The following SENP1 variants were observed in gnomAD, a reference collection of about 807,000 sequenced individuals.
SENP1 encodes sentrin-specific protease 1.
Under a neutral mutation model 93.0 loss-of-function variants are expected in SENP1, and 21 were observed. The ratio of observed to expected loss-of-function variants is 0.23; its 90% confidence interval spans 0.16 to 0.33. The LOEUF is 0.33. Among genes scored for constraint, SENP1 ranks in the 10% least tolerant of loss-of-function variants. The pLI, the probability that SENP1 is intolerant of heterozygous loss-of-function variation, is 1.00. For synonymous variants in SENP1, 256 were observed against 259.6 expected, an observed-to-expected ratio of 0.99 and a Z score of 0.13; for missense variants, 591 against 758.7, an observed-to-expected ratio of 0.78 and a Z score of 2.60.
At chr12:48,079,075 A>G (rs1472711754) in intron 6 of SENP1, among the ~76,000 whole-genome samples, 1 of 152,182 alleles carries the variant, frequency 6.6e-6, no homozygotes, top group Non-Finnish European at 1.5e-5. Flanking sequence ...CACTTGAGCC[A>G]GGAAGTTGAG....
intron 1 of SENP1, among the ~76,000 whole-genome samples, chr12:48,102,488 C>T (rs1946018214): frequency 7.0e-6 from 1 of 143,414 alleles, no homozygotes; most frequent in Non-Finnish European, 1.5e-5. Context: ...CTGCTTGGAA[C>T]TAGGTTAATA....
chr12:48,071,321 G>T (rs1943676877), intron 9 of SENP1, among the ~76,000 whole-genome samples: 1 of 152,036 alleles, frequency 6.6e-6, no homozygotes, highest in Admixed American at 6.6e-5. Flanking sequence ...AATATGTTAA[G>T]AAGAAACTTT....
At chr12:48,088,311 T>G (rs1945015377) in intron 5 of SENP1, among the ~76,000 whole-genome samples, 1 of 152,200 alleles carries the variant, frequency 6.6e-6, no homozygotes, top group South Asian at 2.1e-4. Flanking sequence ...TGCTTCAGCC[T>G]CCCAAATTGC....
intron 3 of SENP1, among the ~76,000 whole-genome samples, chr12:48,097,025 A>C (rs1214781250): frequency 7.2e-5 from 11 of 152,134 alleles, no homozygotes; most frequent in Admixed American, 7.2e-4. Flanking sequence ...ACTACATACT[A>C]ACAAGAAAGG....
chr12:48,094,537 G>A (rs906351980), intron 4 of SENP1, among the ~76,000 whole-genome samples: 7 of 151,752 alleles, frequency 4.6e-5, no homozygotes, highest in Admixed American at 6.6e-5. Flanking sequence ...AAAATTAGCC[G>A]GGCATGGTGG....
At chr12:48,063,025 C>T (rs942476367) in intron 13 of SENP1, among the ~76,000 whole-genome samples, 1 of 152,136 alleles carries the variant, frequency 6.6e-6, no homozygotes, top group African/African-American at 2.4e-5. Flanking sequence ...AGATACCCAA[C>T]CCAGTTTTCT....
At chr12:48,096,511 A>G (rs1394519248) in intron 3 of SENP1, 84 bp from the exon 4 acceptor site, 1 of 794,822 alleles carries the variant, frequency 1.3e-6, no homozygotes, top group African/African-American at 1.7e-5. Flanking sequence ...GCTGGAGTAC[A>G]CCGGCACAAT....
rs545219533 is a variant in SENP1 at position 48,078,251 on chromosome 12, G to A, written c.553-3458C>T. 1.8e-3 allele frequency among the ~76,000 whole-genome samples: 265 copies of A among 146,524 alleles called. 2 individuals are homozygous for A. The highest frequency in any genetic ancestry group is 6.4e-3 in the African/African-American group (257 of 40,132). ...ATAGAAATACTACTAATTTCTGTGTGTTGATTTTGTATCCTACAACTATAC... is the reference window on the plus strand; with the variant it reads ...ATAGAAATACTACTAATTTCTGTGTATTGATTTTGTATCCTACAACTATAC... On this transcript the variant is annotated intron_variant, in intron 6 of 17. Coordinates refer to ENST00000549518, the MANE Select transcript of SENP1 (RefSeq NM_001267594.2).
At chr12:48,056,450 A>AG (rs1942371721) in intron 13 of SENP1, among the ~76,000 whole-genome samples, 2 of 109,430 alleles carry the variant, frequency 1.8e-5, no homozygotes, top group Non-Finnish European at 3.3e-5. Flanking sequence ...TATTTAATAT[A>AG]TTACATATTA....
chr12:48,053,698 A>T (rs1941994093), intron 13 of SENP1, among the ~76,000 whole-genome samples: 1 of 152,188 alleles, frequency 6.6e-6, no homozygotes, highest in Admixed American at 6.6e-5. Flanking sequence ...GATGAAGCTT[A>T]CCAAGTAGGT....
At chr12:48,068,076 G>A (rs1047562560) in intron 9 of SENP1, among the ~76,000 whole-genome samples, 1 of 152,086 alleles carries the variant, frequency 6.6e-6, no homozygotes, top group African/African-American at 2.4e-5. Flanking sequence ...GTTTCACCAT[G>A]TTGGCCAGGC....
intron 6 of SENP1, among the ~76,000 whole-genome samples, chr12:48,075,657 A>G (rs1165959427): frequency 6.6e-6 from 1 of 152,218 alleles, no homozygotes; most frequent in African/African-American, 2.4e-5. Context: ...TCATTCATTG[A>G]CATGAACACC....
chr12:48,098,230 T>G (rs1258678852), intron 2 of SENP1, 106 bp from the exon 3 acceptor site: 8 of 1,145,808 alleles, frequency 7.0e-6, no homozygotes, highest in South Asian at 1.6e-5. Flanking sequence ...CCAGGCATGG[T>G]GTCTCATGCC....
chr12:48,092,168 T>C lies in SENP1; in HGVS notation c.221-3208A>G, dbSNP rs958819251. Among the ~76,000 whole-genome samples the C allele has an allele frequency of 5.3e-5, 8 of 152,116 alleles. No individual in the cohort carries two copies. The South Asian group carries it at 1.7e-3, about 32-fold the overall frequency. ...AAAGTTTGGGCCTTGCTGCTCATTT[T>C]CATCCTGGTGAAGGAGGGGACAGCA... is the stretch of plus-strand genomic sequence containing the variant. On this transcript the variant is annotated intron_variant, in intron 4 of 17. Coordinates refer to ENST00000549518, the MANE Select transcript of SENP1 (RefSeq NM_001267594.2).
chr12:48,082,718 T>C (rs1944571282), intron 6 of SENP1, among the ~76,000 whole-genome samples: 1 of 152,232 alleles, frequency 6.6e-6, no homozygotes, highest in Non-Finnish European at 1.5e-5. Context: ...GCTTTTTCTT[T>C]TAGGTTTACT....
At chr12:48,078,581 C>T (rs1407900600) in intron 6 of SENP1, among the ~76,000 whole-genome samples, 1 of 150,874 alleles carries the variant, frequency 6.6e-6, no homozygotes, top group Admixed American at 6.6e-5. Context: ...AGTGCAGTGG[C>T]GCGATCTTGG....
chr12:48,046,965 A>G lies in SENP1; in HGVS notation c.1776+13T>C. Reference sequence around the variant, plus strand: ...TACTTTTAGGACTTTTATTTCATCAAGATGAAAGGTACCTGGCTTTTCTTG... The same window carrying G: ...TACTTTTAGGACTTTTATTTCATCAGGATGAAAGGTACCTGGCTTTTCTTG... On this transcript the variant is annotated intron_variant, in intron 16 of 17. Coordinates refer to ENST00000549518, the MANE Select transcript of SENP1 (RefSeq NM_001267594.2). The G allele has an allele frequency of 4.5e-6, 7 of 1,569,204 alleles. No homozygotes were observed. The highest frequency in any genetic ancestry group is 6.1e-6 in the Non-Finnish European group (7 of 1,141,364).
At chr12:48,104,663 G>A (rs1407686732) in intron 1 of SENP1, among the ~76,000 whole-genome samples, 1 of 152,110 alleles carries the variant, frequency 6.6e-6, no homozygotes, top group Non-Finnish European at 1.5e-5. Flanking sequence ...AACAGGTACC[G>A]CAAGACAGTA....
Position 48,106,028 on chromosome 12 carries a change from C to A in SENP1, c.-45G>T. On this transcript the variant is annotated splice_region_variant and 5_prime_UTR_variant, in exon 1 of 18. Transcript: ENST00000549518. ...CCCCCAGCTTCCCGCCGCCACTCAC[C>A]GAACCGGAACCGGCTGCCATGCGAA... 3 of 701,564 alleles carry A rather than the reference C, an allele frequency of 4.3e-6. No individual in the cohort carries two copies. The highest frequency in any genetic ancestry group is 7.8e-6 in the Non-Finnish European group (3 of 384,736). 43.5% of individuals were successfully genotyped at this position (701,564 alleles called of 1,614,324 possible). A position where few individuals can be genotyped will look rare whatever the true frequency, so the allele number is the denominator to read the frequency against.
Sources: allele counts gnomAD v4.1 joint callset (sites outside exome capture counted in the v4.1 genomes callset), GRCh38; gene constraint gnomAD v4.1.1; transcripts MANE v1.5; gene names NCBI Gene and HGNC (gene_info 2026-07-23, HGNC 2026-07-21).